NF1: variants seen among roughly 807,000 people sequenced by gnomAD.
NF1 encodes the protein neurofibromin 1, also known as neurofibromin.
Under a neutral mutation model 325.7 loss-of-function variants are expected in NF1, and 122 were observed. The ratio of observed to expected loss-of-function variants is 0.37; its 90% CI spans 0.32 to 0.44. The LOEUF is 0.44. Ranked by LOEUF, NF1 falls within the 20% of genes least tolerant of loss-of-function variation. The pLI, the probability that NF1 is intolerant of heterozygous loss-of-function variation, is 1.00. For synonymous variants in NF1, 1,091 were observed against 1,186.0 expected (o/e 0.92, Z 1.65); for missense variants, 2,140 against 3,415.4 (o/e 0.63, Z 9.31).
Position 31,358,533 on chromosome 17 carries a change from C to G in NF1, c.8024C>G (p.Pro2675Arg), listed in dbSNP as rs1260740048. Residue 2675 changes from proline to arginine, a missense_variant, in exon 55 of 58, where the codon CCA (proline) becomes CGA (arginine). Around this residue, in one of 10 missense-constraint regions of NF1, gnomAD observed 522 missense variants for 749.0 expected, o/e 0.70. Transcript: ENST00000358273. ...ACCCTGTTATCATTGTGCCAAGATC[C>G]AAATTTGTTAAATCCAATCCATGGA... ...INTLLSLCQD[P>R]NLLNPIHGIV... 1 of 1,613,766 alleles carries G rather than the reference C, an allele frequency of 6.2e-7. No individual in the cohort carries two copies. The highest frequency in any genetic ancestry group is 1.7e-5 in the Admixed American group (1 of 59,976).
rs2070273405 is a variant in NF1 at position 31,356,488 on chromosome 17, A to G, written c.7644A>G (p.Ile2548Met). 2 of 1,613,772 alleles carry G rather than the reference A, an allele frequency of 1.2e-6. No individual in the cohort carries two copies. Among genetic ancestry groups the G allele is most frequent in the South Asian group, 2.2e-5 (2 of 91,076 alleles). ...LGTRKSFDHL[I>M]SDTKAPKRQE... ...CAAGGAAAAGTTTTGATCACTTGAT[A>G]TCAGACACAAAGGCTCCTAAAAGGC... The change falls in exon 52 of 58, where the codon ATA becomes ATG. Residue 2548 changes from isoleucine (I) to methionine (M), a missense_variant. By Grantham distance (10) the Ile-to-Met change is conservative. Transcript: ENST00000358273.
At chr17:31,311,232 C>T (rs1175102673) in intron 36 of NF1, among the ~76,000 whole-genome samples, 1 of 152,064 alleles carries the variant, frequency 6.6e-6, no homozygotes, top group African/African-American at 2.4e-5. Context: ...GAATTATAGG[C>T]ATGAGCCACC....
chr17:31,224,079 C>G (rs897105352), intron 16 of NF1, among the ~76,000 whole-genome samples: 15 of 152,070 alleles, frequency 9.9e-5, no homozygotes, highest in African/African-American at 3.4e-4. Context: ...AGAGAATTAT[C>G]TATCAAGAAG....
intron 8 of NF1, among the ~76,000 whole-genome samples, chr17:31,188,031 T>A (rs901523707): frequency 3.3e-5 from 5 of 152,276 alleles, no homozygotes; most frequent in African/African-American, 9.6e-5. Flanking sequence ...TCTTTTAGTA[T>A]TACCATGTAT....
chr17:31,313,720 A>AAAATG (rs1491534857), intron 36 of NF1, among the ~76,000 whole-genome samples: 1 of 101,186 alleles, frequency 9.9e-6, no homozygotes, highest in African/African-American at 3.8e-5. Context: ...AAAAAAAAAA[A>AAAATG]TATGTGTGTG....
chr17:31,158,317 C>T (rs973933530), intron 2 of NF1, among the ~76,000 whole-genome samples: 1 of 152,046 alleles, frequency 6.6e-6, no homozygotes, highest in Non-Finnish European at 1.5e-5. Flanking sequence ...AGTATTTTCC[C>T]CCCAAAAGCA....
intron 4 of NF1, among the ~76,000 whole-genome samples, chr17:31,164,681 C>T (rs1434608418): frequency 2.0e-5 from 3 of 152,050 alleles, no homozygotes; most frequent in Admixed American, 6.6e-5. Flanking sequence ...ATTTGTGTTA[C>T]GGTTTTTTGG....
At chr17:31,247,704 A>G (rs183907089) in intron 29 of NF1, among the ~76,000 whole-genome samples, 81 of 152,314 alleles carry the variant, frequency 5.3e-4, no homozygotes, top group Admixed American at 5.3e-3. Context: ...ATGTGCAAGA[A>G]TGTTCATTGC....
At chr17:31,307,830 A>G (rs963615525) in intron 36 of NF1, 5 of 1,177,608 alleles carry the variant, frequency 4.2e-6, no homozygotes, top group South Asian at 1.3e-5. Flanking sequence ...TCATAAGCCT[A>G]TATTTAGAGA....
intron 3 of NF1, among the ~76,000 whole-genome samples, chr17:31,160,179 G>T (rs746940686): frequency 6.6e-6 from 1 of 152,120 alleles, no homozygotes; most frequent in Non-Finnish European, 1.5e-5. Context: ...TCCACTTCCC[G>T]GGTTCAAGCT....
chr17:31,319,203 A>G (rs2151528096), intron 36 of NF1, among the ~76,000 whole-genome samples: 1 of 152,322 alleles, frequency 6.6e-6, no homozygotes. Flanking sequence ...TGTATGAAGA[A>G]GCATTTTAAT....
intron 1 of NF1, among the ~76,000 whole-genome samples, chr17:31,141,309 G>GTTTT (rs74267083): frequency 3.0e-5 from 4 of 132,620 alleles, no homozygotes; most frequent in African/African-American, 1.1e-4. Context: ...TGTTAATCTT[G>GTTTT]TTTTTTTTTT....
At chr17:31,294,463 A>G (rs1182831738) in intron 36 of NF1, 8 of 159,586 alleles carry the variant, frequency 5.0e-5, no homozygotes, top group Admixed American at 1.8e-4. Flanking sequence ...GCTTGTCTGT[A>G]AAATAATGTT....
At chr17:31,121,033 A>C (rs1294860521) in intron 1 of NF1, among the ~76,000 whole-genome samples, 1 of 152,198 alleles carries the variant, frequency 6.6e-6, no homozygotes, top group Non-Finnish European at 1.5e-5. Flanking sequence ...TTAAAAAAAA[A>C]CACAACAACC....
At chr17:31,095,439 A>G (rs1567787002) in intron 1 of NF1, 70 bp downstream of exon 1, 2 of 1,407,270 alleles carry the variant, frequency 1.4e-6, no homozygotes, top group East Asian at 2.6e-5. Context: ...GAGGGGAGGT[A>G]GGAGCGGCCG....
intron 54 of NF1, 31 bp downstream of exon 54, chr17:31,357,400 T>G (rs1294955278): frequency 6.5e-7 from 1 of 1,539,048 alleles, no homozygotes; most frequent in Non-Finnish European, 9.0e-7. Flanking sequence ...TTAATTCACC[T>G]TCGTGCCTGT....
intron 24 of NF1, 99 bp downstream of exon 24, chr17:31,231,024 T>C: frequency 1.1e-6 from 1 of 932,136 alleles, no homozygotes; most frequent in Non-Finnish European, 1.7e-6. Context: ...GTATTTAAAC[T>C]TTTGAGATGT....
intron 1 of NF1, 36 bp downstream of exon 1, chr17:31,095,405 A>T: frequency 6.6e-7 from 1 of 1,513,810 alleles, no homozygotes; most frequent in East Asian, 2.5e-5. Flanking sequence ...GTGGGAGCGG[A>T]GTGGGGGTGG....
At chr17:31,150,850 G>A (rs893486153) in intron 1 of NF1, among the ~76,000 whole-genome samples, 5 of 151,998 alleles carry the variant, frequency 3.3e-5, no homozygotes, top group Non-Finnish European at 7.4e-5. Flanking sequence ...TGACCAACAT[G>A]GTGAAACCCC....
Sources: gnomAD v4.1 joint callset for allele counts (sites outside exome capture counted in the v4.1 genomes callset) on GRCh38, gnomAD v4.1.1 for gene constraint, gnomAD v4.1.1 regional missense constraint, MANE v1.5 for transcripts, NCBI Gene and HGNC (gene_info 2026-07-23, HGNC 2026-07-21) for gene names.